The following ADAMTS9 variants were observed in gnomAD, a reference collection of about 807,000 sequenced individuals.
ADAMTS9 encodes A disintegrin and metalloproteinase with thrombospondin motifs 9.
ADAMTS9 carries 107 observed loss-of-function variants against 257.1 expected under a neutral mutation model. The ratio of observed to expected loss-of-function variants is 0.42; its 90% CI spans 0.36 to 0.49. The LOEUF (loss-of-function observed/expected upper bound fraction) is 0.49. ADAMTS9 is among the 20% of genes least tolerant of loss of function. ADAMTS9 has a pLI of 0.03. For synonymous variants in ADAMTS9, 982 were observed against 880.9 expected, an observed-to-expected ratio of 1.11 and a Z score of -2.03; for missense variants, 2,353 against 2,469.1, an observed-to-expected ratio of 0.95 and a Z score of 1.00.
intron 6 of ADAMTS9, among the ~76,000 whole-genome samples, chr3:64,655,002 G>A (rs1350364956): frequency 2.6e-5 from 4 of 152,192 alleles, no homozygotes; most frequent in Non-Finnish European, 5.9e-5. Context: ...AATTGAGATG[G>A]CAGGAGGTGG....
chr3:64,653,485 G>A (rs1017415900), intron 8 of ADAMTS9, among the ~76,000 whole-genome samples: 1 of 152,122 alleles, frequency 6.6e-6, no homozygotes, highest in East Asian at 1.9e-4. Context: ...GGAGACACCT[G>A]TGTATATGCA....
At position 64,533,241 on chromosome 3, in the gene ADAMTS9, G is replaced by A. The variant is rs774657324; in HGVS notation, c.5643C>T (p.Thr1881=). The change falls in exon 38 of 40, where the codon ACC becomes ACT. Residue 1881 remains threonine, a synonymous_variant. Coordinates refer to ENST00000498707, the MANE Select transcript of ADAMTS9 (RefSeq NM_182920.2). ...QGRFSINLYG[T]GLSLTESARW... ...TGGCAGATTCAGTTAAAGACAAGCC[G>A]GTTCCATAAAGGTTGATGCTAAAAC... The A allele has an allele frequency of 3.1e-6, 5 of 1,614,024 alleles. No homozygotes were observed. The South Asian group carries it at 3.3e-5, about 11-fold the overall frequency.
intron 3 of ADAMTS9, among the ~76,000 whole-genome samples, chr3:64,661,995 C>A (rs1036716620): frequency 3.3e-5 from 5 of 151,634 alleles, no homozygotes; most frequent in African/African-American, 1.2e-4. Flanking sequence ...CTTTCCGTTG[C>A]CTTAAAGTAG....
rs148323882 is a variant in ADAMTS9 at position 64,687,593 on chromosome 3, C to T, written c.65G>A (p.Ser22Asn). Residue 22 changes from serine to asparagine, a missense_variant, in exon 1 of 40, where the codon AGC (serine) becomes AAC (asparagine). Ser to Asn is a conservative substitution (Grantham distance 46). Transcript: ENST00000498707. The surrounding 1 kb of genome is among the most constrained non-coding windows in gnomAD (Gnocchi z 4.4). The stretch of plus-strand genomic sequence containing the variant: ...GCGCACGGCCGCCGCGGCGTCTGGG[C>T]TCCCCATCTCGGCCAGGTCCCGCAC... ...LLVRDLAEMGSPDAAAAVRKD... is the reference protein window; with the variant it reads ...LLVRDLAEMGNPDAAAAVRKD... 3 of 1,582,152 alleles carry T rather than the reference C, an allele frequency of 1.9e-6. No individual in the cohort carries two copies. Among genetic ancestry groups the T allele is most frequent in the Non-Finnish European group, 2.6e-6 (3 of 1,165,516 alleles).
chr3:64,680,983 T>G (rs1406870515), intron 3 of ADAMTS9, among the ~76,000 whole-genome samples: 6 of 152,202 alleles, frequency 3.9e-5, no homozygotes, highest in Non-Finnish European at 8.8e-5. Context: ...ATCCTGACTT[T>G]ATAACTTCTT....
At chr3:64,622,039 C>T (rs1476507665) in intron 18 of ADAMTS9, among the ~76,000 whole-genome samples, 159 bp downstream of exon 18, 1 of 151,934 alleles carries the variant, frequency 6.6e-6, no homozygotes, top group African/African-American at 2.4e-5. Flanking sequence ...AGTTCAACTT[C>T]CCAGCCAAAA....
At chr3:64,614,775 G>A (rs1440878161) in intron 21 of ADAMTS9, 12 of 152,028 alleles carry the variant, frequency 7.9e-5, no homozygotes, top group Admixed American at 7.9e-4. Flanking sequence ...TTTGCCTTGT[G>A]CTTCATAAAG....
intron 26 of ADAMTS9, among the ~76,000 whole-genome samples, chr3:64,601,708 T>C (rs2084464873): frequency 6.6e-6 from 1 of 152,148 alleles, no homozygotes; most frequent in Non-Finnish European, 1.5e-5. Flanking sequence ...TCATATCACC[T>C]AGCCATGATA....
Position 64,522,290 on chromosome 3 carries a change from C to T in ADAMTS9, c.5719-30G>A, listed in dbSNP as rs199611328. 41 of 1,604,888 alleles carry T rather than the reference C, an allele frequency of 2.6e-5. No individual in the cohort carries two copies. The Admixed American group carries it at 4.0e-4, about 16-fold the overall frequency. The stretch of plus-strand genomic sequence containing the variant: ...AAGGAGATGCATCATGTTAGCCTGC[C>T]TGCTTGGTTAATGCTTTCAGGGCCT... On this transcript the variant is annotated intron_variant, in intron 38 of 39. Transcript: ENST00000498707.
At chr3:64,681,521 A>G (rs1448156555) in intron 2 of ADAMTS9, among the ~76,000 whole-genome samples, 158 bp from the exon 3 acceptor site, 1 of 152,202 alleles carries the variant, frequency 6.6e-6, no homozygotes, top group Non-Finnish European at 1.5e-5. Flanking sequence ...TATGCGGAGA[A>G]GTGGTTTATT....
At chr3:64,527,322 T>C (rs923305397) in intron 38 of ADAMTS9, among the ~76,000 whole-genome samples, 3 of 152,220 alleles carry the variant, frequency 2.0e-5, no homozygotes, top group Non-Finnish European at 4.4e-5. Context: ...TTTCATACTT[T>C]TCACTAATTC....
At position 64,551,669 on chromosome 3, in the gene ADAMTS9, A is replaced by G. The variant is rs185338961; in HGVS notation, c.4699-607T>C. Among the ~76,000 whole-genome samples, 149 of 152,328 alleles carry G rather than the reference A, an allele frequency of 9.8e-4. 1 individual carries two copies. The highest frequency in any genetic ancestry group is 2.7e-3 in the Admixed American group (41 of 15,298). Reference sequence around the variant, plus strand: ...AACACCTACTCACAAGTGACTTGATATTGACACTTATGGCCAAATGTTTAC... The same window carrying G: ...AACACCTACTCACAAGTGACTTGATGTTGACACTTATGGCCAAATGTTTAC... On this transcript the variant is annotated intron_variant, in intron 30 of 39. Coordinates refer to ENST00000498707, the MANE Select transcript of ADAMTS9 (RefSeq NM_182920.2).
chr3:64,681,868 C>T (rs1006527534), intron 2 of ADAMTS9, among the ~76,000 whole-genome samples: 1 of 151,608 alleles, frequency 6.6e-6, no homozygotes. Context: ...GAAATACTTC[C>T]TTAGAGCTCA....
intron 4 of ADAMTS9, among the ~76,000 whole-genome samples, chr3:64,657,301 T>C (rs1026387129): frequency 2.0e-5 from 3 of 152,190 alleles, no homozygotes; most frequent in Admixed American, 6.5e-5. Context: ...ATATTTGATA[T>C]AAAACATATT....
rs1700919016 is a variant in ADAMTS9 at position 64,651,004 on chromosome 3, G to A, written c.1463+13C>T. 6.3e-7 allele frequency: 1 copy of A among 1,593,670 alleles called. No homozygotes were observed. On this transcript the variant is annotated intron_variant, in intron 9 of 39. Coordinates refer to ENST00000498707, the MANE Select transcript of ADAMTS9 (RefSeq NM_182920.2). The stretch of plus-strand genomic sequence containing the variant: ...CACTAGAAGTTTGTGCTAAAAGAAT[G>A]TTCAAGTCTTACTCTAAAAACTCAG...
chr3:64,578,634 C>T (rs552785262), intron 28 of ADAMTS9, among the ~76,000 whole-genome samples: 142 of 152,302 alleles, frequency 9.3e-4, no homozygotes, highest in African/African-American at 3.3e-3. Flanking sequence ...GAAGTGATGA[C>T]GCCTACACAT....
chr3:64,661,415 C>T (rs913731456), intron 3 of ADAMTS9, among the ~76,000 whole-genome samples: 4 of 152,130 alleles, frequency 2.6e-5, no homozygotes, highest in African/African-American at 4.8e-5. Context: ...GCATTGAATT[C>T]GGCTCTTTTA....
At chr3:64,594,797 T>G (rs139019813) in intron 27 of ADAMTS9, among the ~76,000 whole-genome samples, 3 of 152,024 alleles carry the variant, frequency 2.0e-5, no homozygotes, top group African/African-American at 7.2e-5. Context: ...GATCCTTTCT[T>G]TTTTTTTGAG....
rs139158421 is a variant in ADAMTS9 at position 64,546,825 on chromosome 3, C to G, written c.4997G>C (p.Ser1666Thr). Residue 1666 changes from serine (S) to threonine (T), a missense_variant, in exon 32 of 40, where the codon AGT becomes ACT. Coordinates refer to ENST00000498707, the MANE Select transcript of ADAMTS9 (RefSeq NM_182920.2). The part of the protein sequence containing the change: ...TINCPGTQPP[S>T]VHPCYLRDCP... The stretch of plus-strand genomic sequence containing the variant: ...GTCCCTCAGGTAACAGGGGTGAACA[C>G]TGGGGGGCTGCGTGCCTGGGCAGTT... 3 of 1,614,084 alleles carry G rather than the reference C, an allele frequency of 1.9e-6. No individual in the cohort carries two copies. The highest frequency in any genetic ancestry group is 2.5e-6 in the Non-Finnish European group (3 of 1,179,980).
Sources: allele counts gnomAD v4.1 joint callset (sites outside exome capture counted in the v4.1 genomes callset), GRCh38; gene constraint gnomAD v4.1.1; non-coding constraint Gnocchi (gnomAD v3.1); transcripts MANE v1.5; gene names NCBI Gene and HGNC (gene_info 2026-07-23, HGNC 2026-07-21).